The following SPDYE14 variants were observed in gnomAD, a reference collection of about 807,000 sequenced individuals.
SPDYE14 encodes speedy protein E14.
chr7:75,276,012 C>T, the SPDYE14 span, among the ~76,000 whole-genome samples: 160 of 9,370 alleles, frequency 0.017, 16 homozygotes, highest in African/African-American at 0.033. Flanking sequence ...GTAATCCCAG[C>T]ACTTTGGGAG....
the SPDYE14 span, among the ~76,000 whole-genome samples, chr7:75,278,275 T>G: frequency 3.7e-5 from 2 of 54,214 alleles, 1 homozygote; most frequent in African/African-American, 8.9e-5. Context: ...AGGTACCAGG[T>G]GACCAAACGT....
chr7:75,254,722 T>C, the SPDYE14 span, among the ~76,000 whole-genome samples: 15 of 762 alleles, frequency 0.02, 2 homozygotes, highest in African/African-American at 0.025. Flanking sequence ...CCTTCCCCTC[T>C]CCTTCCCCTC....
At chr7:75,267,756 A>ATTTATTTG in the SPDYE14 span, among the ~76,000 whole-genome samples, 2 of 128,124 alleles carry the variant, frequency 1.6e-5, no homozygotes, top group African/African-American at 5.3e-5. Context: ...TTATTTATTT[A>ATTTATTTG]GACAGAGTCT....
At chr7:75,265,283 AT>A in the SPDYE14 span, among the ~76,000 whole-genome samples, 5 of 102,462 alleles carry the variant, frequency 4.9e-5, no homozygotes, top group Non-Finnish European at 1.0e-4. Flanking sequence ...TTTTTTTTTC[AT>A]TTTTAGTAGA....
At chr7:75,275,592 C>T in the SPDYE14 span, among the ~76,000 whole-genome samples, 2 of 46,884 alleles carry the variant, frequency 4.3e-5, no homozygotes, top group African/African-American at 4.9e-5. Flanking sequence ...ACAAACACTG[C>T]GGAAGGCCGC....
At chr7:75,262,370 ATT>A in the SPDYE14 span, among the ~76,000 whole-genome samples, 20 of 62,526 alleles carry the variant, frequency 3.2e-4, no homozygotes, top group East Asian at 1.0e-3. Context: ...TGGTTAGTTG[ATT>A]TTTTTTTTTT....
At chr7:75,238,040 G>A in the SPDYE14 span, among the ~76,000 whole-genome samples, 1 of 113,784 alleles carries the variant, frequency 8.8e-6, no homozygotes, top group Admixed American at 1.0e-4. Context: ...TGCTGGAGAA[G>A]GCCCGAGTCT....
chr7:75,247,186 TA>T, the SPDYE14 span, among the ~76,000 whole-genome samples: 1 of 29,364 alleles, frequency 3.4e-5, no homozygotes, highest in African/African-American at 7.7e-5. Context: ...AAACATTTTT[TA>T]AAAAAAATAG....
At chr7:75,266,149 CTTTTTTTTTTTTTTT>C in the SPDYE14 span, among the ~76,000 whole-genome samples, 1 of 10,132 alleles carries the variant, frequency 9.9e-5, no homozygotes, top group Non-Finnish European at 2.9e-4. Context: ...CTTTCTTTTC[CTTTTTTTTTTTTTTT>C]TTTTTTTTTT....
the SPDYE14 span, among the ~76,000 whole-genome samples, chr7:75,276,597 A>C: frequency 6.2e-5 from 2 of 32,198 alleles, no homozygotes; most frequent in African/African-American, 1.4e-4. Context: ...AAAAAAAAAA[A>C]CAAATCTGTT....
the SPDYE14 span, among the ~76,000 whole-genome samples, chr7:75,268,867 GAGAGA>G: frequency 4.3e-5 from 1 of 23,204 alleles, no homozygotes. Flanking sequence ...GAGAGAGAGA[GAGAGA>G]GAGAGAGAGA....
the SPDYE14 span, among the ~76,000 whole-genome samples, chr7:75,249,564 T>A: frequency 1.6e-5 from 2 of 123,478 alleles, no homozygotes; most frequent in Admixed American, 1.6e-4. Flanking sequence ...CAGCTTCATT[T>A]TCTTCCTTCC....
At chr7:75,261,067 G>A in the SPDYE14 span, among the ~76,000 whole-genome samples, 1 of 87,272 alleles carries the variant, frequency 1.1e-5, no homozygotes, top group African/African-American at 2.9e-5. Context: ...GGAGGTTGCA[G>A]TGAGCCGAGA....
the SPDYE14 span, among the ~76,000 whole-genome samples, chr7:75,247,477 AAAG>A: frequency 8.3e-6 from 1 of 120,722 alleles, no homozygotes; most frequent in African/African-American, 2.6e-5. Context: ...AGAAAGAAAG[AAAG>A]AAAAGAAAGA....
At chr7:75,265,262 G>C in the SPDYE14 span, among the ~76,000 whole-genome samples, 1 of 107,492 alleles carries the variant, frequency 9.3e-6, no homozygotes, top group Non-Finnish European at 1.9e-5. Context: ...ACCATGCCTG[G>C]CTAATTTTTT....
the SPDYE14 span, among the ~76,000 whole-genome samples, chr7:75,278,253 G>T: frequency 1.8e-5 from 1 of 56,190 alleles, no homozygotes; most frequent in African/African-American, 4.3e-5. Context: ...GAGAGTGGAA[G>T]AGGGAGTTCA....
At chr7:75,265,292 A>G in the SPDYE14 span, among the ~76,000 whole-genome samples, 1 of 101,868 alleles carries the variant, frequency 9.8e-6, no homozygotes, top group African/African-American at 3.6e-5. Flanking sequence ...CATTTTTAGT[A>G]GAGGCAGGGT....
At chr7:75,275,054 TG>T in the SPDYE14 span, among the ~76,000 whole-genome samples, 2 of 37,752 alleles carry the variant, frequency 5.3e-5, 1 homozygote, top group East Asian at 3.6e-3. Flanking sequence ...GGGAGGGAGG[TG>T]GGGGGGTCAG....
the SPDYE14 span, among the ~76,000 whole-genome samples, chr7:75,275,017 C>T: frequency 3.2e-5 from 2 of 61,816 alleles, 1 homozygote; most frequent in Non-Finnish European, 8.5e-5. Context: ...AGTGAGGAGC[C>T]CCTCTGCCCA....
Sources: allele counts gnomAD v4.1 joint callset (sites outside exome capture counted in the v4.1 genomes callset), GRCh38; gene constraint gnomAD v4.1.1; transcripts MANE v1.5; gene names NCBI Gene and HGNC (gene_info 2026-07-23, HGNC 2026-07-21).